The following ZDHHC17 variants were observed in gnomAD, a reference collection of about 807,000 sequenced individuals.
ZDHHC17 encodes palmitoyltransferase ZDHHC17.
In ZDHHC17, 40 loss-of-function variants were observed where a neutral mutation model predicts 90.3. The ratio of observed to expected loss-of-function variants is 0.44; its 90% CI spans 0.34 to 0.58. The LOEUF (loss-of-function observed/expected upper bound fraction) is 0.58. ZDHHC17 is among the 20% of genes least tolerant of loss of function. The pLI is 0.01. For synonymous variants in ZDHHC17, 235 were observed against 252.4 expected (o/e 0.93, Z 0.65); for missense variants, 614 against 780.8 (o/e 0.79, Z 2.55).
chr12:76,831,723 T>A (rs1018349462), intron 10 of ZDHHC17, among the ~76,000 whole-genome samples: 1 of 152,176 alleles, frequency 6.6e-6, no homozygotes, highest in African/African-American at 2.4e-5. Context: ...CATGGCTCAC[T>A]GCTGCCTCAA....
chr12:76,827,979 G>A (rs1251106758), intron 9 of ZDHHC17, among the ~76,000 whole-genome samples: 1 of 152,064 alleles, frequency 6.6e-6, no homozygotes, highest in Non-Finnish European at 1.5e-5. Flanking sequence ...GAGTGTTATA[G>A]GTAAGGAGAA....
intron 14 of ZDHHC17, among the ~76,000 whole-genome samples, chr12:76,847,192 C>G (rs1953504807): frequency 6.6e-6 from 1 of 152,036 alleles, no homozygotes; most frequent in African/African-American, 2.4e-5. Flanking sequence ...GGTTTTATAC[C>G]TTAAAGGAAA....
At chr12:76,767,476 C>T (rs1373518562) in intron 1 of ZDHHC17, among the ~76,000 whole-genome samples, 4 of 152,140 alleles carry the variant, frequency 2.6e-5, no homozygotes, top group African/African-American at 9.7e-5. Context: ...GTAAGATAAT[C>T]TTACTTTTTA....
At chr12:76,827,560 A>C (rs997748730) in intron 9 of ZDHHC17, among the ~76,000 whole-genome samples, 8 of 151,974 alleles carry the variant, frequency 5.3e-5, no homozygotes, top group African/African-American at 1.7e-4. Context: ...TTTTCTTCTT[A>C]TTCTTAAGTC....
intron 10 of ZDHHC17, among the ~76,000 whole-genome samples, chr12:76,835,281 A>G (rs1337005074): frequency 9.3e-5 from 14 of 149,874 alleles, no homozygotes; most frequent in Non-Finnish European, 8.9e-5. Context: ...TAACTCCTGA[A>G]CTCAAGTGAT....
At chr12:76,779,846 A>C (rs1432089229) in intron 1 of ZDHHC17, among the ~76,000 whole-genome samples, 1 of 151,930 alleles carries the variant, frequency 6.6e-6, no homozygotes, top group African/African-American at 2.4e-5. Flanking sequence ...TTTTGTATAA[A>C]GTGTGAAAGT....
chr12:76,800,529 T>C (rs1952873307), intron 2 of ZDHHC17, among the ~76,000 whole-genome samples: 1 of 152,228 alleles, frequency 6.6e-6, no homozygotes, highest in South Asian at 2.1e-4. Context: ...GTTATTAGGT[T>C]AAATGTTCAA....
chr12:76,848,017 A>AT (rs931388944), intron 14 of ZDHHC17, among the ~76,000 whole-genome samples: 47 of 151,828 alleles, frequency 3.1e-4, no homozygotes, highest in South Asian at 1.9e-3. Flanking sequence ...AGATACAGTG[A>AT]TTTTTTTTTA....
intron 13 of ZDHHC17, 141 bp downstream of exon 13, chr12:76,845,943 G>A: frequency 2.1e-6 from 1 of 466,090 alleles, no homozygotes; most frequent in Non-Finnish European, 3.8e-6. Context: ...TGACAACACA[G>A]CAACTCAGTT....
intron 1 of ZDHHC17, 187 bp downstream of exon 1, chr12:76,764,516 G>A (rs1381371644): frequency 1.6e-6 from 1 of 608,124 alleles, no homozygotes; most frequent in Non-Finnish European, 2.9e-6. Context: ...AGCGGGGCGG[G>A]CCCGACCGGG....
intron 1 of ZDHHC17, among the ~76,000 whole-genome samples, chr12:76,783,881 T>C (rs1298026195): frequency 1.3e-5 from 2 of 152,102 alleles, no homozygotes; most frequent in Non-Finnish European, 2.9e-5. Flanking sequence ...GTAAAAACAG[T>C]GGAGAGAGAT....
chr12:76,789,886 C>T (rs1271378426), intron 1 of ZDHHC17, among the ~76,000 whole-genome samples: 2 of 152,164 alleles, frequency 1.3e-5, no homozygotes, highest in African/African-American at 4.8e-5. Flanking sequence ...AGAAGTGTCA[C>T]AGCCAAGAGT....
intron 1 of ZDHHC17, among the ~76,000 whole-genome samples, chr12:76,773,250 T>G (rs2137713373): frequency 6.6e-6 from 1 of 152,356 alleles, no homozygotes; most frequent in Admixed American, 6.5e-5. Flanking sequence ...TTCTGCCTGT[T>G]CATATGTCCT....
chr12:76,765,990 C>T (rs1952426335), intron 1 of ZDHHC17, among the ~76,000 whole-genome samples: 1 of 152,238 alleles, frequency 6.6e-6, no homozygotes, highest in Non-Finnish European at 1.5e-5. Context: ...GCATGAGCCA[C>T]CATGCCAGGC....
chr12:76,813,720 G>A (rs1266389606), intron 5 of ZDHHC17, among the ~76,000 whole-genome samples: 1 of 152,184 alleles, frequency 6.6e-6, no homozygotes, highest in East Asian at 1.9e-4. Context: ...GGGAGATGGG[G>A]TAGAGAAGAA....
At chr12:76,830,410 T>C (rs1447268840) in intron 10 of ZDHHC17, among the ~76,000 whole-genome samples, 1 of 152,216 alleles carries the variant, frequency 6.6e-6, no homozygotes, top group African/African-American at 2.4e-5. Context: ...TTTACTGCAT[T>C]ATGTAATTTC....
chr12:76,829,873 G>T (rs1031779548), intron 10 of ZDHHC17, among the ~76,000 whole-genome samples: 4 of 152,038 alleles, frequency 2.6e-5, no homozygotes, highest in African/African-American at 9.7e-5. Context: ...CTGTTCCCCA[G>T]GTTGGAGTGC....
chr12:76,830,383 T>C (rs1483238079), intron 10 of ZDHHC17, among the ~76,000 whole-genome samples: 1 of 152,238 alleles, frequency 6.6e-6, no homozygotes, highest in Non-Finnish European at 1.5e-5. Flanking sequence ...GTAACTACAC[T>C]TTTAATTCTT....
At chr12:76,771,884 G>T (rs151247722) in intron 1 of ZDHHC17, among the ~76,000 whole-genome samples, 1 of 152,136 alleles carries the variant, frequency 6.6e-6, no homozygotes, top group African/African-American at 2.4e-5. Flanking sequence ...CCTAAACTCA[G>T]GATGCAAGGA....
Sources: gnomAD v4.1 joint callset for allele counts (sites outside exome capture counted in the v4.1 genomes callset) on GRCh38, gnomAD v4.1.1 for gene constraint, MANE v1.5 for transcripts, NCBI Gene and HGNC (gene_info 2026-07-23, HGNC 2026-07-21) for gene names.